Variants in ASPH observed in about 807,000 individuals in gnomAD.
ASPH encodes the protein aspartate beta-hydroxylase.
A neutral mutation model predicts 118.4 loss-of-function variants in ASPH; 100 were observed. That is an observed-to-expected ratio of 0.84 (90% confidence interval 0.72 to 1.00). The LOEUF (loss-of-function observed/expected upper bound fraction) is 1.00, where lower values mean the gene tolerates loss of function less well. ASPH is among the 50% of genes least tolerant of loss of function. The pLI is 0.00. For synonymous variants in ASPH, 315 were observed against 325.6 expected (o/e 0.97, Z 0.35); for missense variants, 920 against 919.5 (o/e 1.00, Z -0.01).
chr8:61,516,425 T>A (rs1810936668), intron 24 of ASPH, among the ~76,000 whole-genome samples: 1 of 152,162 alleles, frequency 6.6e-6, no homozygotes, highest in South Asian at 2.1e-4. Context: ...TCTCTGAATT[T>A]CCCACAGCAC....
At chr8:61,699,520 T>C (rs1026174607) in intron 1 of ASPH, among the ~76,000 whole-genome samples, 1 of 152,220 alleles carries the variant, frequency 6.6e-6, no homozygotes, top group African/African-American at 2.4e-5. Context: ...ATGTCTCTTC[T>C]AATTCTAAAA....
chr8:61,634,721 G>C (rs1857008710), intron 12 of ASPH, among the ~76,000 whole-genome samples: 1 of 152,050 alleles, frequency 6.6e-6, no homozygotes. Flanking sequence ...TAATTATTTG[G>C]AGACATATTA....
chr8:61,570,289 T>C (rs1472498384), intron 16 of ASPH, among the ~76,000 whole-genome samples: 1 of 152,174 alleles, frequency 6.6e-6, no homozygotes, highest in Admixed American at 6.5e-5. Flanking sequence ...TGAATATGTA[T>C]CACTTTCACA....
intron 16 of ASPH, among the ~76,000 whole-genome samples, chr8:61,575,930 A>T (rs1003123168): frequency 6.6e-6 from 1 of 152,168 alleles, no homozygotes; most frequent in East Asian, 1.9e-4. Context: ...AATTATTCAA[A>T]CCAGCCAGTC....
rs769884258 is a variant in ASPH at position 61,556,040 on chromosome 8, A to G, written c.1438-18T>C. On this transcript the variant is annotated intron_variant, in intron 18 of 24. Coordinates refer to ENST00000379454, the MANE Select transcript of ASPH (RefSeq NM_004318.4). ...CTCAGCACCTAAACTCAAAGAAAAC[A>G]CAGAACATAACTCAAAGAAAACATA... The G allele has an allele frequency of 3.7e-6, 6 of 1,604,912 alleles. No individual in the cohort carries two copies. The highest frequency in any genetic ancestry group is 1.3e-5 in the African/African-American group (1 of 74,728).
chr8:61,522,080 TG>T, intron 22 of ASPH, among the ~76,000 whole-genome samples: 1 of 152,356 alleles, frequency 6.6e-6, no homozygotes, highest in South Asian at 2.1e-4. Context: ...TCACTGTTGG[TG>T]GCACTTATTA....
At chr8:61,714,082 G>A (rs1838752325) in intron 1 of ASPH, among the ~76,000 whole-genome samples, 187 bp downstream of exon 1, 1 of 152,174 alleles carries the variant, frequency 6.6e-6, no homozygotes, top group South Asian at 2.1e-4. Flanking sequence ...GGTCCGCCTG[G>A]CCCCTCGCCC....
intron 14 of ASPH, among the ~76,000 whole-genome samples, chr8:61,591,781 C>G (rs1317416425): frequency 6.6e-6 from 1 of 152,012 alleles, no homozygotes; most frequent in Non-Finnish European, 1.5e-5. Context: ...CCAGTAGACT[C>G]CAATGTCTGT....
chr8:61,714,464 C>A lies in ASPH; in HGVS notation c.-93G>T, dbSNP rs1340439524. ...GCGGGAACCGCTGGCGGCGGCGGGCCGCTGGAGCGGGTTCGGGCCGCTGCT... is the reference window on the plus strand; with the variant it reads ...GCGGGAACCGCTGGCGGCGGCGGGCAGCTGGAGCGGGTTCGGGCCGCTGCT... On this transcript the variant is annotated 5_prime_UTR_variant, in exon 1 of 25. Coordinates refer to ENST00000379454, the MANE Select transcript of ASPH (RefSeq NM_004318.4). 2.9e-5 allele frequency: 39 copies of A among 1,361,514 alleles called. No homozygotes were observed. The African/African-American group carries it at 4.1e-4, about 14-fold the overall frequency. The allele number at this position is 1,361,514 out of a possible 1,614,324, so 84.3% of individuals were successfully genotyped here.
chr8:61,544,558 G>A (rs546875476), intron 21 of ASPH, among the ~76,000 whole-genome samples: 5 of 152,074 alleles, frequency 3.3e-5, no homozygotes, highest in African/African-American at 1.2e-4. Context: ...TTCCTCTCCT[G>A]GTGCAGTGCA....
intron 21 of ASPH, among the ~76,000 whole-genome samples, chr8:61,529,268 C>A (rs372228593): frequency 6.6e-6 from 1 of 152,182 alleles, no homozygotes; most frequent in Non-Finnish European, 1.5e-5. Context: ...AGAGCAATTG[C>A]GAGGTACCCC....
intron 6 of ASPH, 58 bp from the exon 7 acceptor site, chr8:61,644,690 T>C: frequency 1.5e-6 from 2 of 1,316,664 alleles, no homozygotes; most frequent in Non-Finnish European, 1.1e-6. Context: ...TATGTATATA[T>C]CCCGTATATG....
chr8:61,666,758 C>A (rs1326463686), intron 3 of ASPH, among the ~76,000 whole-genome samples: 2 of 152,140 alleles, frequency 1.3e-5, no homozygotes, highest in African/African-American at 2.4e-5. Context: ...TTATTACAGT[C>A]TTTTAAGAAT....
intron 3 of ASPH, chr8:61,656,939 T>A (rs1361323056): frequency 1.3e-5 from 2 of 152,372 alleles, no homozygotes; most frequent in East Asian, 3.9e-4. Flanking sequence ...ACTTACTAAA[T>A]TGTATGTTGT....
chr8:61,566,734 C>T (rs573152874), intron 17 of ASPH, among the ~76,000 whole-genome samples: 11 of 152,320 alleles, frequency 7.2e-5, no homozygotes, highest in Admixed American at 4.6e-4. Flanking sequence ...GAGGCAAGAC[C>T]CTCCATCAGC....
chr8:61,668,353 G>A, intron 3 of ASPH: 7 of 1,168,184 alleles, frequency 6.0e-6, no homozygotes, highest in Admixed American at 2.2e-5. Flanking sequence ...CTATTAAATA[G>A]GTAAAATCAA....
intron 1 of ASPH, among the ~76,000 whole-genome samples, chr8:61,704,706 T>C (rs1038554932): frequency 2.0e-5 from 3 of 152,070 alleles, no homozygotes; most frequent in African/African-American, 7.2e-5. Context: ...GTGTAGCCAA[T>C]AAGCACAAGA....
rs966327339 is a variant in ASPH at position 61,714,117 on chromosome 8, C to A, written c.103+152G>T. 30 of 1,221,458 alleles carry A rather than the reference C, an allele frequency of 2.5e-5. No homozygotes were observed. The Admixed American group carries it at 6.8e-4, about 28-fold the overall frequency. The allele number at this position is 1,221,458 out of a possible 1,614,324, so 75.7% of individuals were successfully genotyped here. Reference sequence around the variant, plus strand: ...CGCCCGCCAGGCCCGCCGAATGCGGCCTCCGCCCCGCGCGCCTAAAGGAGG... The same window carrying A: ...CGCCCGCCAGGCCCGCCGAATGCGGACTCCGCCCCGCGCGCCTAAAGGAGG... On this transcript the variant is annotated intron_variant, in intron 1 of 24. Transcript: ENST00000379454.
chr8:61,607,452 C>T (rs775473842), intron 14 of ASPH: 72 of 569,446 alleles, frequency 1.3e-4, no homozygotes, highest in Middle Eastern at 3.1e-4. Context: ...ACCAACTCAA[C>T]AAATGTATTT....
Sources: allele counts gnomAD v4.1 joint callset (sites outside exome capture counted in the v4.1 genomes callset), GRCh38; gene constraint gnomAD v4.1.1; transcripts MANE v1.5; gene names NCBI Gene and HGNC (gene_info 2026-07-23, HGNC 2026-07-21).